Variants in RPH3A observed in about 807,000 individuals in gnomAD.
The protein encoded by RPH3A is rabphilin 3A.
RPH3A carries 48 observed loss-of-function variants against 102.2 expected under a neutral mutation model. The ratio of observed to expected loss-of-function variants is 0.47; its 90% confidence interval spans 0.37 to 0.60. The LOEUF is 0.60. Ranked by LOEUF, RPH3A falls within the 20% of genes least tolerant of loss-of-function variation. RPH3A has a pLI of 0.00. For synonymous variants in RPH3A, 310 were observed against 324.3 expected (o/e 0.96, Z 0.47); for missense variants, 781 against 910.1 (o/e 0.86, Z 1.83).
chr12:112,777,329 C>T (rs1388945358), intron 1 of RPH3A, among the ~76,000 whole-genome samples: 3 of 152,182 alleles, frequency 2.0e-5, no homozygotes, highest in African/African-American at 2.4e-5. Context: ...TGCATCTGCT[C>T]AATGCAGTTC....
intron 19 of RPH3A, 81 bp downstream of exon 19, chr12:112,891,084 A>G (rs1390360478): frequency 6.6e-7 from 1 of 1,523,594 alleles, no homozygotes; most frequent in Non-Finnish European, 9.0e-7. Flanking sequence ...CAGTTTCACC[A>G]AGATCGTTGT....
chr12:112,759,860 C>A (rs1442156548), intron 1 of RPH3A, among the ~76,000 whole-genome samples: 1 of 152,186 alleles, frequency 6.6e-6, no homozygotes, highest in Non-Finnish European at 1.5e-5. Flanking sequence ...CACCCCAGGA[C>A]ACCCCTCTAG....
At chr12:112,629,179 G>A (rs961069571) in intron 1 of RPH3A, among the ~76,000 whole-genome samples, 2 of 152,066 alleles carry the variant, frequency 1.3e-5, no homozygotes, top group Non-Finnish European at 2.9e-5. Context: ...AGATAAAAAA[G>A]GTTGTGAAAA....
At chr12:112,625,083 A>G (rs1279102608) in intron 1 of RPH3A, among the ~76,000 whole-genome samples, 1 of 111,706 alleles carries the variant, frequency 9.0e-6, no homozygotes, top group Non-Finnish European at 1.7e-5. Context: ...ATCTATGACA[A>G]ACCCACAGCC....
At chr12:112,737,666 T>C (rs2040679284) in intron 1 of RPH3A, among the ~76,000 whole-genome samples, 1 of 152,164 alleles carries the variant, frequency 6.6e-6, no homozygotes, top group African/African-American at 2.4e-5. Context: ...AATTACGGTA[T>C]GAACACTGTT....
intron 2 of RPH3A, 29 bp from the exon 3 acceptor site, chr12:112,828,272 G>T: frequency 6.8e-7 from 1 of 1,477,562 alleles, no homozygotes. Flanking sequence ...ATGATGGGGT[G>T]ATGTCCTCTC....
At chr12:112,698,259 A>G (rs1466769195) in intron 1 of RPH3A, among the ~76,000 whole-genome samples, 1 of 152,244 alleles carries the variant, frequency 6.6e-6, no homozygotes, top group East Asian at 1.9e-4. Flanking sequence ...CATTAGCTCA[A>G]AATGGATCAG....
intron 1 of RPH3A, among the ~76,000 whole-genome samples, chr12:112,776,825 G>T (rs1332335284): frequency 7.8e-6 from 1 of 128,754 alleles, no homozygotes; most frequent in Admixed American, 9.8e-5. Context: ...AGTGAGCCGA[G>T]ATCATGCCAC....
chr12:112,874,811 C>T, intron 10 of RPH3A: 1 of 427,876 alleles, frequency 2.3e-6, no homozygotes, highest in South Asian at 3.5e-5. Flanking sequence ...CCAGAGAGGA[C>T]AGGTCACTTG....
chr12:112,681,071 C>T (rs1191308564), intron 1 of RPH3A, among the ~76,000 whole-genome samples: 2 of 152,198 alleles, frequency 1.3e-5, no homozygotes, highest in East Asian at 1.9e-4. Flanking sequence ...TCTCTGCCTA[C>T]TCTGGCCCAC....
intron 1 of RPH3A, among the ~76,000 whole-genome samples, chr12:112,677,414 C>CTT (rs1235560394): frequency 1.0e-5 from 1 of 100,076 alleles, no homozygotes; most frequent in African/African-American, 4.1e-5. Context: ...TCCCTCCTTC[C>CTT]CTCCTTCCTT....
chr12:112,577,189 G>A (rs1192319733), intron 1 of RPH3A, among the ~76,000 whole-genome samples: 1 of 152,166 alleles, frequency 6.6e-6, no homozygotes, highest in Non-Finnish European at 1.5e-5. Flanking sequence ...AATAAAGAAT[G>A]GCTACTCCAT....
chr12:112,636,648 T>C (rs2039851080), intron 1 of RPH3A, among the ~76,000 whole-genome samples: 1 of 151,922 alleles, frequency 6.6e-6, no homozygotes, highest in Non-Finnish European at 1.5e-5. Flanking sequence ...AAAACAGAGG[T>C]TGGGAGATAA....
intron 1 of RPH3A, among the ~76,000 whole-genome samples, chr12:112,596,600 T>A (rs2039518335): frequency 6.6e-6 from 1 of 152,218 alleles, no homozygotes; most frequent in Non-Finnish European, 1.5e-5. Flanking sequence ...ATTATTTTGT[T>A]AATAGCGCCA....
intron 1 of RPH3A, among the ~76,000 whole-genome samples, chr12:112,687,502 A>G (rs550626547): frequency 6.6e-6 from 1 of 152,320 alleles, no homozygotes; most frequent in East Asian, 1.9e-4. Context: ...GGCTGGGGAC[A>G]TGAGACTCTG....
chr12:112,806,951 T>G (rs1011850330), intron 2 of RPH3A, among the ~76,000 whole-genome samples: 4 of 151,444 alleles, frequency 2.6e-5, no homozygotes, highest in African/African-American at 9.8e-5. Context: ...TGAATAGGAG[T>G]TAACTGAGTA....
chr12:112,599,904 CT>C (rs765729672), intron 1 of RPH3A, among the ~76,000 whole-genome samples: 2 of 152,214 alleles, frequency 1.3e-5, no homozygotes, highest in Non-Finnish European at 2.9e-5. Flanking sequence ...ATCCCAGTGA[CT>C]TCAGATAAGT....
chr12:112,652,654 C>T (rs960078477), intron 1 of RPH3A, among the ~76,000 whole-genome samples: 17 of 152,182 alleles, frequency 1.1e-4, no homozygotes, highest in African/African-American at 4.1e-4. Context: ...TCCTTTCTTT[C>T]CTCTGCCCCA....
At chr12:112,656,955 G>A (rs1592928905) in intron 1 of RPH3A, among the ~76,000 whole-genome samples, 1 of 151,912 alleles carries the variant, frequency 6.6e-6, no homozygotes, top group African/African-American at 2.4e-5. Flanking sequence ...ATTTTTTGGG[G>A]GTAGATATCC....
Sources: allele counts gnomAD v4.1 joint callset (sites outside exome capture counted in the v4.1 genomes callset), GRCh38; gene constraint gnomAD v4.1.1; transcripts MANE v1.5; gene names NCBI Gene and HGNC (gene_info 2026-07-23, HGNC 2026-07-21).